SCAF8: variants seen among roughly 807,000 people sequenced by gnomAD.
The protein encoded by SCAF8 is SR-related CTD associated factor 8.
In SCAF8, 23 loss-of-function variants were observed where a neutral mutation model predicts 140.5. The observed-to-expected ratio is 0.16, with a 90% confidence interval of 0.12 to 0.23. SCAF8 has a LOEUF of 0.23. Among genes scored for constraint, SCAF8 ranks in the 10% least tolerant of loss-of-function variants. The pLI, the probability that SCAF8 is intolerant of heterozygous loss-of-function variation, is 1.00. For synonymous variants in SCAF8, 575 were observed against 528.9 expected, an observed-to-expected ratio of 1.09 and a Z score of -1.20; for missense variants, 1,397 against 1,555.7, an observed-to-expected ratio of 0.90 and a Z score of 1.72.
At position 154,832,680 on chromosome 6, in the gene SCAF8, A is replaced by T; in HGVS notation, c.3101A>T (p.Asp1034Val). ...RESISRPPPV[D>V]VRDVVGRPID... is the part of the protein sequence containing the mutation. ...AGCATTAGTAGACCTCCCCCTGTGG[A>T]TGTTAGAGATGTGGTTGGGCGGCCT... Residue 1034 changes from aspartate (D) to valine (V), a missense_variant, in exon 20 of 20, where the codon GAT (aspartate) becomes GTT (valine). Asp to Val is a radical substitution (Grantham distance 152). Transcript: ENST00000367178. The T allele has an allele frequency of 6.2e-7, 1 of 1,613,962 alleles. No individual in the cohort carries two copies. The highest frequency in any genetic ancestry group is 8.5e-7 in the Non-Finnish European group (1 of 1,179,966).
At chr6:154,743,471 ATAAAC>A (rs1234132447) in intron 1 of SCAF8, among the ~76,000 whole-genome samples, 3 of 152,238 alleles carry the variant, frequency 2.0e-5, no homozygotes, top group Non-Finnish European at 4.4e-5. Context: ...ATTTAGAAGA[ATAAAC>A]TAATAAGTAT....
At chr6:154,790,061 C>T (rs1777369118) in intron 4 of SCAF8, among the ~76,000 whole-genome samples, 1 of 152,110 alleles carries the variant, frequency 6.6e-6, no homozygotes, top group Non-Finnish European at 1.5e-5. Context: ...TATAATATCT[C>T]ATACTAGGGC....
intron 1 of SCAF8, among the ~76,000 whole-genome samples, chr6:154,749,006 A>C (rs1202226077): frequency 6.6e-6 from 1 of 152,132 alleles, no homozygotes; most frequent in Non-Finnish European, 1.5e-5. Flanking sequence ...CAGTGGCGCC[A>C]TCTTGGCTCA....
intron 17 of SCAF8, 108 bp downstream of exon 17, chr6:154,824,486 C>A: frequency 1.0e-6 from 1 of 999,592 alleles, no homozygotes; most frequent in Non-Finnish European, 1.5e-6. Flanking sequence ...CCTTAGCATG[C>A]ATAGCCTTGT....
chr6:154,770,475 G>C (rs903088335), intron 1 of SCAF8, among the ~76,000 whole-genome samples: 1 of 151,668 alleles, frequency 6.6e-6, no homozygotes, highest in African/African-American at 2.4e-5. Context: ...AGAGGTTGAG[G>C]TAGGAGGACC....
intron 1 of SCAF8, among the ~76,000 whole-genome samples, chr6:154,740,912 C>A (rs993017970): frequency 1.3e-5 from 2 of 152,134 alleles, no homozygotes; most frequent in African/African-American, 4.8e-5. Flanking sequence ...TGCCACCGTG[C>A]CTGGCCGCTA....
At chr6:154,790,083 G>T (rs1017074905) in intron 4 of SCAF8, among the ~76,000 whole-genome samples, 1 of 152,094 alleles carries the variant, frequency 6.6e-6, no homozygotes, top group African/African-American at 2.4e-5. Flanking sequence ...TATGGAATAG[G>T]GCTTTCTTTT....
intron 10 of SCAF8, 85 bp downstream of exon 10, chr6:154,808,286 A>G: frequency 7.6e-7 from 1 of 1,313,980 alleles, no homozygotes; most frequent in South Asian, 1.3e-5. Flanking sequence ...AGTGCCCTGA[A>G]TATATTTTTC....
intron 4 of SCAF8, among the ~76,000 whole-genome samples, 171 bp from the exon 5 acceptor site, chr6:154,792,652 T>C (rs1219457947): frequency 2.0e-5 from 3 of 152,178 alleles, no homozygotes; most frequent in African/African-American, 7.2e-5. Context: ...TCAAGCACGT[T>C]AAGGGTAGCA....
intron 1 of SCAF8, among the ~76,000 whole-genome samples, chr6:154,768,206 A>T (rs892403058): frequency 2.0e-5 from 3 of 152,176 alleles, no homozygotes; most frequent in Admixed American, 2.0e-4. Flanking sequence ...GCGGCTGAAG[A>T]TCTCAACCTA....
rs59257286 is a variant in SCAF8, at chr6:154,793,815, C to CAAAA, written c.475+860_475+863dup. On this transcript the variant is annotated intron_variant, in intron 5 of 19. Coordinates refer to ENST00000367178, the MANE Select transcript of SCAF8 (RefSeq NM_014892.5). ...GGGCAACAAGAGCAAAACTCTGTCT[C>CAAAA]AAAAAAAAAAAAAAAAAAAAAAAAT... 9.4e-4 allele frequency among the ~76,000 whole-genome samples: 65 copies of CAAAA among 69,260 alleles called. 1 individual carries two copies. The highest frequency in any genetic ancestry group is 3.2e-3 in the African/African-American group (56 of 17,650). 45.4% of individuals were successfully genotyped at this position (69,260 alleles called of 152,430 possible). A position where few individuals can be genotyped will look rare whatever the true frequency, so the allele number is the denominator to read the frequency against.
At chr6:154,751,831 A>C (rs1778844704) in intron 1 of SCAF8, among the ~76,000 whole-genome samples, 1 of 152,212 alleles carries the variant, frequency 6.6e-6, no homozygotes, top group Admixed American at 6.5e-5. Flanking sequence ...AATAAGGAGC[A>C]TACTACTGTG....
intron 2 of SCAF8, among the ~76,000 whole-genome samples, chr6:154,777,360 T>C (rs1327677016): frequency 6.6e-6 from 1 of 152,088 alleles, no homozygotes; most frequent in Non-Finnish European, 1.5e-5. Flanking sequence ...TTTATGAAAC[T>C]TAAATCTTCT....
chr6:154,736,505 C>T (rs184463335), intron 1 of SCAF8, among the ~76,000 whole-genome samples: 2 of 152,164 alleles, frequency 1.3e-5, no homozygotes, highest in Non-Finnish European at 2.9e-5. Context: ...CTCCTGACCT[C>T]AGGTGATCCA....
intron 2 of SCAF8, among the ~76,000 whole-genome samples, chr6:154,776,287 GTGTATATATGTATA>G (rs1209752932): frequency 4.7e-5 from 7 of 148,004 alleles, no homozygotes; most frequent in Admixed American, 3.4e-4. Context: ...TGCATTTAGT[GTGTATATATGTATA>G]TATATATATG....
At chr6:154,764,427 A>G (rs577771498) in intron 1 of SCAF8, among the ~76,000 whole-genome samples, 6 of 152,338 alleles carry the variant, frequency 3.9e-5, no homozygotes, top group African/African-American at 1.4e-4. Flanking sequence ...AATTTGCACA[A>G]GTAAAGGGTT....
At chr6:154,734,013 G>A (rs1435585574) in intron 1 of SCAF8, 83 bp downstream of exon 1, 14 of 1,427,758 alleles carry the variant, frequency 9.8e-6, no homozygotes, top group Non-Finnish European at 1.2e-5. Flanking sequence ...GGGTGGGCGC[G>A]GGCCTGCGGG....
intron 12 of SCAF8, among the ~76,000 whole-genome samples, chr6:154,814,672 C>G (rs1377190835): frequency 6.6e-6 from 1 of 152,062 alleles, no homozygotes; most frequent in Non-Finnish European, 1.5e-5. Context: ...TGACATAAAT[C>G]CAAATATAAC....
At chr6:154,757,197 G>A (rs1020227165) in intron 1 of SCAF8, among the ~76,000 whole-genome samples, 5 of 152,148 alleles carry the variant, frequency 3.3e-5, no homozygotes, top group African/African-American at 1.2e-4. Flanking sequence ...GTTTTGCCAT[G>A]TTTGCCAGTC....
Sources: gnomAD v4.1 joint callset for allele counts (sites outside exome capture counted in the v4.1 genomes callset) on GRCh38, gnomAD v4.1.1 for gene constraint, MANE v1.5 for transcripts, NCBI Gene and HGNC (gene_info 2026-07-23, HGNC 2026-07-21) for gene names.